ZMYND11: variants seen among roughly 807,000 people sequenced by gnomAD.
ZMYND11 encodes zinc finger MYND-type containing 11, also known as zinc finger MYND domain-containing protein 11.
ZMYND11 carries 9 observed loss-of-function variants against 84.9 expected under a neutral mutation model. The ratio of observed to expected loss-of-function variants is 0.11; its 90% CI spans 0.06 to 0.18. The LOEUF (loss-of-function observed/expected upper bound fraction) is 0.18. Among genes scored for constraint, ZMYND11 ranks in the 10% least tolerant of loss-of-function variants. The pLI is 1.00. For synonymous variants in ZMYND11, 250 were observed against 244.1 expected (o/e 1.02, Z -0.23); for missense variants, 409 against 761.0 (o/e 0.54, Z 5.44).
At chr10:135,252 A>C (rs1835643072), upstream of ZMYND11, 1 of 150,428 alleles carries the variant, frequency 6.6e-6, no homozygotes, top group Non-Finnish European at 1.5e-5. The surrounding 1 kb of genome is among the most constrained non-coding windows in gnomAD (Gnocchi z 5.6). Context: ...GCACGCGGCG[A>C]CCCGGCCGCC....
chr10:149,493 G>A (rs1839797818), intron 1 of ZMYND11, among the ~76,000 whole-genome samples: 1 of 151,786 alleles, frequency 6.6e-6, no homozygotes, highest in African/African-American at 2.4e-5. Flanking sequence ...TGTATTTTTA[G>A]TAGAGACGGG....
At chr10:242,445 AATTACC>A (rs887225156) in intron 10 of ZMYND11, among the ~76,000 whole-genome samples, 3 of 152,136 alleles carry the variant, frequency 2.0e-5, no homozygotes, top group Admixed American at 1.3e-4. Flanking sequence ...ATGGTAATGG[AATTACC>A]ATTACCATAT....
At position 182,564 on chromosome 10, in the gene ZMYND11, C is replaced by T. The variant is rs145074810; in HGVS notation, c.116+2436C>T. On this transcript the variant is annotated intron_variant, in intron 2 of 14. Coordinates refer to ENST00000381604, the MANE Select transcript of ZMYND11 (RefSeq NM_001370100.5). ...GCTTAAGACTGGGTCCCAAGTGTTT[C>T]CTCTTCCTCATCTCATCTGAGAGGT... 3.3e-5 allele frequency among the ~76,000 whole-genome samples: 5 copies of T among 152,228 alleles called. No individual in the cohort carries two copies. The East Asian group carries it at 9.6e-4, about 29-fold the overall frequency.
intron 5 of ZMYND11, among the ~76,000 whole-genome samples, 200 bp from the exon 6 acceptor site, chr10:237,385 G>A (rs1159459585): frequency 6.6e-6 from 1 of 152,198 alleles, no homozygotes; most frequent in Admixed American, 6.5e-5. Flanking sequence ...GCTCCCGCCT[G>A]TAATCCCAGC....
In ZMYND11 at chr10:245,939, T is replaced by C. The variant is rs186116499; in HGVS notation, c.951-827T>C. On this transcript the variant is annotated intron_variant, in intron 10 of 14. Transcript: ENST00000381604. ...GGCAGCATCTCTTGCCGCTGTCAAA[T>C]GAGGCAATGAAACTCAAGATCACGT... is the stretch of plus-strand genomic sequence containing the variant. Among the ~76,000 whole-genome samples the C allele has an allele frequency of 3.4e-3, 525 of 152,320 alleles. 5 individuals are homozygous for C. Among genetic ancestry groups the C allele is most frequent in the African/African-American group, 0.012 (479 of 41,582 alleles).
At chr10:167,030 T>C (rs1347027117) in intron 1 of ZMYND11, among the ~76,000 whole-genome samples, 1 of 152,132 alleles carries the variant, frequency 6.6e-6, no homozygotes, top group African/African-American at 2.4e-5. Flanking sequence ...TCATGAAATA[T>C]CTAGGCATAT....
intron 10 of ZMYND11, among the ~76,000 whole-genome samples, chr10:244,919 A>AC (rs1951819286): frequency 6.6e-6 from 1 of 152,242 alleles, no homozygotes; most frequent in Non-Finnish European, 1.5e-5. Flanking sequence ...ACTCTTACAG[A>AC]TACAAGTTCA....
At chr10:203,515 T>G (rs1324493504) in intron 2 of ZMYND11, among the ~76,000 whole-genome samples, 3 of 152,156 alleles carry the variant, frequency 2.0e-5, no homozygotes, top group East Asian at 1.9e-4. Context: ...TTATGGAGAT[T>G]TAACTATTTT....
chr10:221,486 A>C, intron 4 of ZMYND11, 130 bp downstream of exon 4: 1 of 835,982 alleles, frequency 1.2e-6, no homozygotes, highest in East Asian at 2.6e-5. Flanking sequence ...TTATCTAATG[A>C]AATGATGATA....
intron 2 of ZMYND11, among the ~76,000 whole-genome samples, chr10:205,970 G>A (rs910412146): frequency 2.1e-5 from 3 of 146,256 alleles, no homozygotes; most frequent in African/African-American, 5.1e-5. Flanking sequence ...TATTAAAGGT[G>A]TTTTTTTGGT....
chr10:239,326 C>A, intron 6 of ZMYND11, 112 bp from the exon 7 acceptor site: 2 of 795,728 alleles, frequency 2.5e-6, no homozygotes, highest in South Asian at 1.7e-5. Context: ...TGTGGGATGG[C>A]AGTAGTCATC....
At chr10:242,245 A>G (rs1344065365) in intron 10 of ZMYND11, 106 bp downstream of exon 10, 7 of 1,324,394 alleles carry the variant, frequency 5.3e-6, no homozygotes, top group East Asian at 2.6e-5. Flanking sequence ...TTTAAATTGG[A>G]AAAAAAAAAC....
intron 6 of ZMYND11, among the ~76,000 whole-genome samples, chr10:238,419 T>G (rs562231802): frequency 6.6e-6 from 1 of 152,042 alleles, no homozygotes; most frequent in African/African-American, 2.4e-5. Flanking sequence ...TGCAGTGGTG[T>G]GATCTTGGCT....
chr10:239,245 T>G (rs1311882546), intron 6 of ZMYND11, among the ~76,000 whole-genome samples, 193 bp from the exon 7 acceptor site: 1 of 152,220 alleles, frequency 6.6e-6, no homozygotes, highest in African/African-American at 2.4e-5. Flanking sequence ...CCTGCCATGC[T>G]TCATTATACT....
intron 1 of ZMYND11, among the ~76,000 whole-genome samples, chr10:165,852 A>G (rs1554763569): frequency 6.6e-6 from 1 of 152,182 alleles, no homozygotes; most frequent in Non-Finnish European, 1.5e-5. Flanking sequence ...AGCTACAGTA[A>G]TCAAAACAAT....
intron 6 of ZMYND11, among the ~76,000 whole-genome samples, chr10:238,227 T>TTTGCAGTCAGGG (rs1950299071): frequency 1.3e-5 from 2 of 152,232 alleles, no homozygotes; most frequent in Non-Finnish European, 2.9e-5. Flanking sequence ...CGTAGACATA[T>TTTGCAGTCAGGG]TTGCAGTCAG....
chr10:207,093 GT>G (rs1944328224), intron 2 of ZMYND11, among the ~76,000 whole-genome samples: 1 of 151,990 alleles, frequency 6.6e-6, no homozygotes, highest in Non-Finnish European at 1.5e-5. Flanking sequence ...GCAGTGTTTG[GT>G]TTTTTGTCCT....
chr10:206,130 C>T (rs763872264), intron 2 of ZMYND11, among the ~76,000 whole-genome samples: 58 of 151,944 alleles, frequency 3.8e-4, no homozygotes, highest in Non-Finnish European at 6.8e-4. Flanking sequence ...GAGGCCGAGG[C>T]GGGTGGATCA....
intron 2 of ZMYND11, chr10:198,038 G>A (rs932585033): frequency 1.7e-6 from 1 of 599,948 alleles, no homozygotes; most frequent in Admixed American, 2.5e-5. Context: ...GGTAAAATTT[G>A]GGGATAGGTC....
Sources: allele counts gnomAD v4.1 joint callset (sites outside exome capture counted in the v4.1 genomes callset), GRCh38; gene constraint gnomAD v4.1.1; non-coding constraint Gnocchi (gnomAD v3.1); transcripts MANE v1.5; gene names NCBI Gene and HGNC (gene_info 2026-07-23, HGNC 2026-07-21).